The following PUS10 variants were observed in gnomAD, a reference collection of about 807,000 sequenced individuals.
PUS10 encodes pseudouridine synthase 10.
Under a neutral mutation model 75.0 loss-of-function variants are expected in PUS10, and 59 were observed. The ratio of observed to expected loss-of-function variants is 0.79; its 90% CI spans 0.64 to 0.98. PUS10 has a LOEUF of 0.98. Ranked by LOEUF, PUS10 falls within the 50% of genes least tolerant of loss-of-function variation. The pLI is 0.00. For synonymous variants in PUS10, 219 were observed against 211.6 expected, an observed-to-expected ratio of 1.03 and a Z score of -0.30; for missense variants, 650 against 614.4, an observed-to-expected ratio of 1.06 and a Z score of -0.61.
In PUS10 at chr2:60,960,843, TAA is replaced by T. The variant is rs34578958; in HGVS notation, c.875-328_875-327del. ...TATAATATTATGAATATACCAAGGA[TAA>T]AAAAAAAAAAAAAAAAACGCAACCA... On this transcript the variant is annotated intron_variant, in intron 10 of 17. Coordinates refer to ENST00000316752, the MANE Select transcript of PUS10 (RefSeq NM_144709.4). Among the ~76,000 whole-genome samples the T allele has an allele frequency of 6.4e-3, 772 of 120,610 alleles. 4 individuals carry two copies. The highest frequency in any genetic ancestry group is 0.012 in the African/African-American group (384 of 32,628). The allele number at this position is 120,610 out of a possible 152,430, so 79.1% of individuals were successfully genotyped here.
At chr2:61,007,543 C>T (rs553108484) in intron 3 of PUS10, among the ~76,000 whole-genome samples, 9 of 151,516 alleles carry the variant, frequency 5.9e-5, no homozygotes, top group African/African-American at 1.5e-4. Flanking sequence ...CCAAGTCAGG[C>T]GGATCACCTG....
chr2:60,946,522 T>C (rs1674953463), intron 16 of PUS10, among the ~76,000 whole-genome samples: 1 of 152,182 alleles, frequency 6.6e-6, no homozygotes, highest in Non-Finnish European at 1.5e-5. Context: ...GTAAGAAGAC[T>C]TTTAAAAATA....
chr2:60,960,343 CA>C (rs375391646), intron 11 of PUS10, 48 bp downstream of exon 11: 213,243 of 1,103,390 alleles, frequency 0.19, 2 homozygotes, highest in East Asian at 0.26. Flanking sequence ...GCCCCTATCT[CA>C]AAAAAAAAAA....
intron 11 of PUS10, among the ~76,000 whole-genome samples, chr2:60,956,891 C>T (rs910506312): frequency 1.2e-4 from 16 of 135,676 alleles, no homozygotes; most frequent in African/African-American, 2.0e-4. Context: ...AGGAGAATGG[C>T]GTGAACCTGG....
chr2:60,989,970 A>G (rs995961242), intron 4 of PUS10, among the ~76,000 whole-genome samples: 1 of 152,130 alleles, frequency 6.6e-6, no homozygotes, highest in Non-Finnish European at 1.5e-5. Flanking sequence ...CAACTCACCA[A>G]CAATAAGCAG....
chr2:60,984,206 T>C (rs916751587), intron 4 of PUS10, among the ~76,000 whole-genome samples: 1 of 152,170 alleles, frequency 6.6e-6, no homozygotes, highest in Non-Finnish European at 1.5e-5. Context: ...AATGTCAGGC[T>C]GGGTGGGAGA....
At chr2:61,017,967 A>G in intron 1 of PUS10, 41 bp downstream of exon 1, 1 of 1,331,170 alleles carries the variant, frequency 7.5e-7, no homozygotes, top group South Asian at 1.4e-5. Context: ...ACCAATACCC[A>G]ACCTTGGGGA....
intron 17 of PUS10, among the ~76,000 whole-genome samples, chr2:60,944,606 C>G (rs1674825153): frequency 6.6e-6 from 1 of 152,192 alleles, no homozygotes; most frequent in Admixed American, 6.5e-5. Flanking sequence ...TGGACCACAT[C>G]ACAGGGGTCC....
At chr2:60,975,429 GCCACTGCAC>G (rs1558925804) in intron 4 of PUS10, among the ~76,000 whole-genome samples, 2 of 152,034 alleles carry the variant, frequency 1.3e-5, no homozygotes. Flanking sequence ...ATAGACATGA[GCCACTGCAC>G]CCAGACAGTA....
intron 17 of PUS10, chr2:60,944,263 C>G (rs2104084073): frequency 1.0e-6 from 1 of 980,392 alleles, no homozygotes. Flanking sequence ...CTAATCTAAT[C>G]CCAGAGCACT....
chr2:61,010,655 C>T (rs1011016447), intron 2 of PUS10: 92 of 1,000,616 alleles, frequency 9.2e-5, no homozygotes, highest in Middle Eastern at 7.4e-4. Context: ...TTTCCACGTA[C>T]TTTATTAGGT....
intron 6 of PUS10, chr2:60,966,647 T>A (rs1676360289): frequency 6.6e-6 from 1 of 152,312 alleles, no homozygotes; most frequent in Non-Finnish European, 1.5e-5. Flanking sequence ...CAAAATACTT[T>A]CATTACCTCA....
chr2:60,960,339 ATC>A, intron 11 of PUS10, 51 bp downstream of exon 11: 7 of 1,306,802 alleles, frequency 5.4e-6, no homozygotes, highest in Non-Finnish European at 7.1e-6. Context: ...GCAAGCCCCT[ATC>A]TCAAAAAAAA....
At chr2:60,945,237 T>C in intron 16 of PUS10, 129 bp from the exon 17 acceptor site, 1 of 588,256 alleles carries the variant, frequency 1.7e-6, no homozygotes, top group East Asian at 2.7e-5. Flanking sequence ...CTCTGACTTG[T>C]GTGTCTTAAA....
chr2:60,971,951 A>G (rs932065432), intron 4 of PUS10, among the ~76,000 whole-genome samples: 1 of 143,488 alleles, frequency 7.0e-6, no homozygotes, highest in African/African-American at 2.6e-5. Context: ...GCTCACTGCA[A>G]CCTCTGCTTC....
At chr2:61,013,566 G>A (rs1348245823) in intron 1 of PUS10, among the ~76,000 whole-genome samples, 1 of 152,138 alleles carries the variant, frequency 6.6e-6, no homozygotes, top group Non-Finnish European at 1.5e-5. Flanking sequence ...TTACATAAAC[G>A]TGTATGCCTT....
chr2:60,965,637 C>T (rs991556858), intron 6 of PUS10, 153 bp from the exon 7 acceptor site: 1 of 566,180 alleles, frequency 1.8e-6, no homozygotes, highest in East Asian at 3.1e-5. Flanking sequence ...AACTTGTTAT[C>T]AGGGCAGCTG....
chr2:60,969,624 A>G (rs1676539542), intron 5 of PUS10, among the ~76,000 whole-genome samples: 1 of 152,240 alleles, frequency 6.6e-6, no homozygotes, highest in Admixed American at 6.5e-5. Context: ...TTTTTTTGTA[A>G]GTTCCCTAAA....
chr2:61,006,524 CACAT>C (rs1456272076), intron 4 of PUS10, 29 bp downstream of exon 4: 2 of 1,427,714 alleles, frequency 1.4e-6, no homozygotes, highest in African/African-American at 2.8e-5. Context: ...GCATGCACTT[CACAT>C]ACAGTTTTAT....
Sources: allele counts gnomAD v4.1 joint callset (sites outside exome capture counted in the v4.1 genomes callset), GRCh38; gene constraint gnomAD v4.1.1; transcripts MANE v1.5; gene names NCBI Gene and HGNC (gene_info 2026-07-23, HGNC 2026-07-21).